The following NT5DC3 variants were observed in gnomAD, a reference collection of about 807,000 sequenced individuals.
The protein encoded by NT5DC3 is 5'-nucleotidase domain-containing protein 3.
A neutral mutation model predicts 67.8 loss-of-function variants in NT5DC3; 42 were observed. That is an observed-to-expected ratio of 0.62 (90% CI 0.48 to 0.80). NT5DC3 has a LOEUF of 0.80. Ranked by LOEUF, NT5DC3 falls within the 30% of genes least tolerant of loss-of-function variation. NT5DC3 has a pLI of 0.00. For missense variants in NT5DC3, 570 were observed against 696.4 expected (o/e 0.82, Z 2.04); for synonymous variants, 237 against 255.6 (o/e 0.93, Z 0.69).
chr12:103,767,509 C>T (rs758669640), downstream of NT5DC3, among the ~76,000 whole-genome samples: 13 of 152,002 alleles, frequency 8.6e-5, no homozygotes, highest in African/African-American at 2.7e-4. Flanking sequence ...CTAAGAAACA[C>T]GAAATTGTAC....
At chr12:103,789,862 T>C (rs5001722) in intron 9 of NT5DC3, among the ~76,000 whole-genome samples, 1 of 152,130 alleles carries the variant, frequency 6.6e-6, no homozygotes, top group East Asian at 1.9e-4. Flanking sequence ...AGAAAAATAC[T>C]ATGAAAAAAA....
rs1885289894 is a variant in NT5DC3, at chr12:103,774,802, G to C, written c.*3027C>G. 1 of 151,544 alleles carries C rather than the reference G, an allele frequency of 6.6e-6. No homozygotes were observed. The highest frequency in any genetic ancestry group is 1.5e-5 in the Non-Finnish European group (1 of 68,016). 9.4% of individuals were successfully genotyped at this position (151,544 alleles called of 1,614,324 possible). On this transcript the variant is annotated 3_prime_UTR_variant, in exon 14 of 14. Coordinates refer to ENST00000392876, the MANE Select transcript of NT5DC3 (RefSeq NM_001031701.3). Reference sequence around the variant, plus strand: ...AGGTGGGCAGAACACTTGAGGCTAGGAGTTTGAGACCAGCCTGGCCAACAT... The same window carrying C: ...AGGTGGGCAGAACACTTGAGGCTAGCAGTTTGAGACCAGCCTGGCCAACAT...
At chr12:103,826,554 C>T (rs1374704532) in intron 1 of NT5DC3, among the ~76,000 whole-genome samples, 1 of 152,218 alleles carries the variant, frequency 6.6e-6, no homozygotes, top group Non-Finnish European at 1.5e-5. Context: ...CTTAAGAAAA[C>T]TGTCTCCCCC....
the NT5DC3 span, chr12:103,762,289 G>A: frequency 6.2e-7 from 1 of 1,614,214 alleles, no homozygotes. Context: ...GACCCACACT[G>A]GCTTGGGAGC....
chr12:103,758,997 G>A, the NT5DC3 span: 1 of 1,450,940 alleles, frequency 6.9e-7, no homozygotes, highest in Non-Finnish European at 9.5e-7. Context: ...AGAAAACCTT[G>A]ACATTTCCTG....
rs749744035 is a variant in NT5DC3 at position 103,836,379 on chromosome 12, G to A, written c.208+4570C>T. Among the ~76,000 whole-genome samples the A allele has an allele frequency of 8.5e-5, 13 of 152,266 alleles. 1 individual carries two copies. The highest frequency in any genetic ancestry group is 2.0e-4 in the Admixed American group (3 of 15,300). On this transcript the variant is annotated intron_variant, in intron 1 of 13. Coordinates refer to ENST00000392876, the MANE Select transcript of NT5DC3 (RefSeq NM_001031701.3). Reference sequence around the variant, plus strand: ...TACTTCCCAGATACAATGGCGGTACGGGTATTGGGTAAATAGAGCCATTCC... The same window carrying A: ...TACTTCCCAGATACAATGGCGGTACAGGTATTGGGTAAATAGAGCCATTCC...
At chr12:103,796,119 G>A (rs1458775042) in intron 6 of NT5DC3, among the ~76,000 whole-genome samples, 1 of 152,206 alleles carries the variant, frequency 6.6e-6, no homozygotes, top group African/African-American at 2.4e-5. Flanking sequence ...GGACTTTAGA[G>A]AGCCACATGG....
At chr12:103,762,124 T>G in the NT5DC3 span, 2 of 1,023,764 alleles carry the variant, frequency 2.0e-6, no homozygotes, top group Non-Finnish European at 2.9e-6. Flanking sequence ...AGAAGGGTAT[T>G]AGACCCTGGC....
chr12:103,832,747 G>A (rs1321815398), intron 1 of NT5DC3, among the ~76,000 whole-genome samples: 1 of 152,142 alleles, frequency 6.6e-6, no homozygotes, highest in African/African-American at 2.4e-5. Context: ...TCCCCATGCT[G>A]AGTTCTGCCT....
chr12:103,838,095 TGAG>T (rs1888227913), intron 1 of NT5DC3, among the ~76,000 whole-genome samples: 1 of 152,006 alleles, frequency 6.6e-6, no homozygotes, highest in Admixed American at 6.6e-5. Flanking sequence ...AAGAGAATAA[TGAG>T]GAAGAAGCAA....
Position 103,777,601 on chromosome 12 carries a change from T to G in NT5DC3, c.*228A>C, listed in dbSNP as rs1885383658. ...AGTAAACAAAAAGGCAAAATCAGAG[T>G]TCCAATGTGAAGCTTGCCTTTCAGC... On this transcript the variant is annotated 3_prime_UTR_variant, in exon 14 of 14. Coordinates refer to ENST00000392876, the MANE Select transcript of NT5DC3 (RefSeq NM_001031701.3). 1 of 549,866 alleles carries G rather than the reference T, an allele frequency of 1.8e-6. No homozygotes were observed. Among genetic ancestry groups the G allele is most frequent in the Non-Finnish European group, 3.1e-6 (1 of 318,614 alleles). The allele number at this position is 549,866 out of a possible 1,614,324, so 34.1% of individuals were successfully genotyped here. A position where few individuals can be genotyped will look rare whatever the true frequency, so the allele number is the denominator to read the frequency against.
chr12:103,791,319 A>G (rs964830675), intron 9 of NT5DC3, among the ~76,000 whole-genome samples: 1 of 151,872 alleles, frequency 6.6e-6, no homozygotes, highest in Non-Finnish European at 1.5e-5. Context: ...TCCTGACCAC[A>G]CCCCAGAATC....
chr12:103,811,094 T>A (rs1887009768), intron 2 of NT5DC3, among the ~76,000 whole-genome samples: 1 of 152,232 alleles, frequency 6.6e-6, no homozygotes, highest in African/African-American at 2.4e-5. Flanking sequence ...AAATGTTTAC[T>A]GAGTACCTAC....
At chr12:103,747,761 G>A in the NT5DC3 span, among the ~76,000 whole-genome samples, 9 of 152,114 alleles carry the variant, frequency 5.9e-5, no homozygotes, top group African/African-American at 1.4e-4. Context: ...TTGGGAGGCC[G>A]GGGTGGGCAG....
In NT5DC3 at chr12:103,787,612, T is replaced by C. The variant is rs1034819630; in HGVS notation, c.1102-85A>G. On this transcript the variant is annotated intron_variant, in intron 10 of 13. Coordinates refer to ENST00000392876, the MANE Select transcript of NT5DC3 (RefSeq NM_001031701.3). ...GTACAAAATATAAAACTTTTAAAAA[T>C]TGTTGTTTTTATAACTTATTTTAAA... 8.1e-5 allele frequency: 44 copies of C among 541,578 alleles called. 2 individuals carry two copies. Among genetic ancestry groups the C allele is most frequent in the African/African-American group, 6.8e-4 (36 of 52,922 alleles). 33.5% of individuals were successfully genotyped at this position (541,578 alleles called of 1,614,324 possible). A position where few individuals can be genotyped will look rare whatever the true frequency, so the allele number is the denominator to read the frequency against.
the NT5DC3 span, among the ~76,000 whole-genome samples, chr12:103,747,307 T>G: frequency 1.3e-5 from 2 of 152,240 alleles, no homozygotes; most frequent in Non-Finnish European, 2.9e-5. Context: ...GAGGCCCAAA[T>G]GAACAGTGGC....
At chr12:103,823,305 T>G (rs1345831707) in intron 1 of NT5DC3, among the ~76,000 whole-genome samples, 1 of 151,836 alleles carries the variant, frequency 6.6e-6, no homozygotes, top group Non-Finnish European at 1.5e-5. Context: ...TCCCCAGTGC[T>G]CAGTCAACCA....
At chr12:103,805,564 G>A (rs752921830) in intron 4 of NT5DC3, among the ~76,000 whole-genome samples, 5 of 151,914 alleles carry the variant, frequency 3.3e-5, no homozygotes, top group South Asian at 2.1e-4. Flanking sequence ...TTACAAAGAC[G>A]CCCGGGCGTG....
chr12:103,800,177 A>G (rs951969011), intron 4 of NT5DC3, among the ~76,000 whole-genome samples: 2 of 152,200 alleles, frequency 1.3e-5, no homozygotes, highest in Admixed American at 1.3e-4. Flanking sequence ...CAAAAAGATC[A>G]CTTCAACCTC....
Sources: allele counts gnomAD v4.1 joint callset (sites outside exome capture counted in the v4.1 genomes callset), GRCh38; gene constraint gnomAD v4.1.1; transcripts MANE v1.5; gene names NCBI Gene and HGNC (gene_info 2026-07-23, HGNC 2026-07-21).